The following EPHA6 variants were observed in gnomAD, a reference collection of about 807,000 sequenced individuals.
The protein encoded by EPHA6 is EPH receptor A6.
In EPHA6, 50 loss-of-function variants were observed where a neutral mutation model predicts 112.0. That is an observed-to-expected ratio of 0.45 (90% CI 0.36 to 0.56). The LOEUF is 0.56. EPHA6 is among the 20% of genes least tolerant of loss of function. The pLI is 0.00. For synonymous variants in EPHA6, 529 were observed against 490.7 expected, an observed-to-expected ratio of 1.08 and a Z score of -1.03; for missense variants, 1,280 against 1,417.4, an observed-to-expected ratio of 0.90 and a Z score of 1.56.
intron 12 of EPHA6, among the ~76,000 whole-genome samples, chr3:97,598,902 T>C (rs1181012139): frequency 1.3e-5 from 2 of 150,688 alleles, no homozygotes; most frequent in East Asian, 2.0e-4. Flanking sequence ...AGTGTTCCTA[T>C]TTCTCCACAT....
chr3:97,489,960 G>T (rs111427616), intron 10 of EPHA6, among the ~76,000 whole-genome samples: 15 of 152,160 alleles, frequency 9.9e-5, no homozygotes, highest in African/African-American at 3.6e-4. Context: ...GTGTTTACCT[G>T]CATTTCAACA....
chr3:97,210,536 A>G (rs1280517178), intron 3 of EPHA6, among the ~76,000 whole-genome samples: 4 of 152,142 alleles, frequency 2.6e-5, no homozygotes, highest in African/African-American at 9.7e-5. Flanking sequence ...ATCACTCACC[A>G]ATTATTCTTT....
At chr3:96,975,301 A>G (rs2042478400) in intron 2 of EPHA6, among the ~76,000 whole-genome samples, 1 of 152,094 alleles carries the variant, frequency 6.6e-6, no homozygotes, top group Non-Finnish European at 1.5e-5. Flanking sequence ...CCTTTGCTAT[A>G]TCTAATAATT....
At chr3:96,914,062 A>G (rs1015283222) in intron 2 of EPHA6, among the ~76,000 whole-genome samples, 14 of 152,064 alleles carry the variant, frequency 9.2e-5, no homozygotes, top group Non-Finnish European at 1.3e-4. Context: ...ACTTAAAAAT[A>G]TTTTTCATCG....
chr3:97,667,044 C>T (rs536199319), intron 14 of EPHA6, among the ~76,000 whole-genome samples: 21 of 152,282 alleles, frequency 1.4e-4, no homozygotes, highest in African/African-American at 4.8e-4. Context: ...TTATTTTCTA[C>T]ATAATGTAGC....
At chr3:97,105,533 A>C (rs1186754426) in intron 3 of EPHA6, among the ~76,000 whole-genome samples, 2 of 152,084 alleles carry the variant, frequency 1.3e-5, no homozygotes, top group East Asian at 3.9e-4. Flanking sequence ...GTACAATTTC[A>C]GTTCTTTTGC....
At chr3:97,016,936 G>A (rs2044286007) in intron 3 of EPHA6, among the ~76,000 whole-genome samples, 1 of 152,074 alleles carries the variant, frequency 6.6e-6, no homozygotes, top group South Asian at 2.1e-4. Flanking sequence ...AGCATTGTTT[G>A]GATATACCAC....
At chr3:97,560,594 A>G (rs1247229263) in intron 11 of EPHA6, 1 of 152,032 alleles carries the variant, frequency 6.6e-6, no homozygotes, top group African/African-American at 2.4e-5. Flanking sequence ...TCTTGGTGAT[A>G]TGGTGAGCTT....
intron 3 of EPHA6, among the ~76,000 whole-genome samples, chr3:97,187,857 T>C (rs2077198384): frequency 6.6e-6 from 1 of 152,076 alleles, no homozygotes; most frequent in Admixed American, 6.6e-5. Context: ...GGTGCAGTCC[T>C]CTTAGTTTGG....
At chr3:96,996,616 T>G (rs558636683) in intron 3 of EPHA6, among the ~76,000 whole-genome samples, 1 of 152,254 alleles carries the variant, frequency 6.6e-6, no homozygotes, top group South Asian at 2.1e-4. Context: ...GCATCATCAG[T>G]GATCAGTACT....
intron 5 of EPHA6, among the ~76,000 whole-genome samples, chr3:97,288,837 G>A (rs1489845482): frequency 2.0e-5 from 3 of 151,276 alleles, no homozygotes; most frequent in African/African-American, 7.3e-5. Flanking sequence ...CTGATGTTGA[G>A]CACTTTTTCA....
chr3:97,458,413 A>G (rs1386954485), intron 7 of EPHA6, among the ~76,000 whole-genome samples: 1 of 152,156 alleles, frequency 6.6e-6, no homozygotes, highest in East Asian at 1.9e-4. Flanking sequence ...TAAATTAGTT[A>G]TCTTATATTT....
intron 2 of EPHA6, among the ~76,000 whole-genome samples, chr3:96,975,695 C>A (rs1183385747): frequency 6.6e-6 from 1 of 152,106 alleles, no homozygotes; most frequent in Non-Finnish European, 1.5e-5. Flanking sequence ...TCTCATTGAG[C>A]AGGACACTTA....
At chr3:96,977,208 T>A (rs1189975486) in intron 2 of EPHA6, among the ~76,000 whole-genome samples, 1 of 152,190 alleles carries the variant, frequency 6.6e-6, no homozygotes, top group African/African-American at 2.4e-5. Context: ...ATTTTAAGTT[T>A]GGTCTAATTT....
intron 5 of EPHA6, among the ~76,000 whole-genome samples, chr3:97,302,046 A>G (rs2081114460): frequency 6.6e-6 from 1 of 151,944 alleles, no homozygotes; most frequent in Admixed American, 6.6e-5. Context: ...CAGTTAATGT[A>G]CTTTAAAAGA....
chr3:97,481,877 G>A (rs928836497), intron 9 of EPHA6, among the ~76,000 whole-genome samples: 1 of 152,184 alleles, frequency 6.6e-6, no homozygotes, highest in Non-Finnish European at 1.5e-5. Flanking sequence ...TCACTGCAGG[G>A]CATTTAGTAC....
At chr3:97,287,427 T>G (rs1470224536) in intron 5 of EPHA6, among the ~76,000 whole-genome samples, 1 of 151,468 alleles carries the variant, frequency 6.6e-6, no homozygotes, top group Non-Finnish European at 1.5e-5. Flanking sequence ...ATGGCGCCAC[T>G]GCACTCCAGC....
intron 6 of EPHA6, among the ~76,000 whole-genome samples, chr3:97,417,596 A>G (rs1415591541): frequency 6.6e-6 from 1 of 151,970 alleles, no homozygotes; most frequent in Non-Finnish European, 1.5e-5. Context: ...AATTTCAAGG[A>G]CTTGCCTTCT....
chr3:96,931,333 A>G (rs2040316499), intron 2 of EPHA6, among the ~76,000 whole-genome samples: 1 of 152,056 alleles, frequency 6.6e-6, no homozygotes, highest in African/African-American at 2.4e-5. Flanking sequence ...CACTGGGGGA[A>G]CCCTTTCTTG....
Sources: gnomAD v4.1 joint callset for allele counts (sites outside exome capture counted in the v4.1 genomes callset) on GRCh38, gnomAD v4.1.1 for gene constraint, MANE v1.5 for transcripts, NCBI Gene and HGNC (gene_info 2026-07-23, HGNC 2026-07-21) for gene names.